The following CDH13 variants were observed in gnomAD, a reference collection of about 807,000 sequenced individuals.
CDH13 encodes cadherin-13.
In CDH13, 24 loss-of-function variants were observed where a neutral mutation model predicts 63.8. The observed-to-expected ratio is 0.38, with a 90% CI of 0.27 to 0.53. The LOEUF is 0.53. Among genes scored for constraint, CDH13 ranks in the 20% least tolerant of loss-of-function variants. The pLI is 0.85. For synonymous variants in CDH13, 503 were observed against 355.3 expected, an observed-to-expected ratio of 1.42 and a Z score of -4.67; for missense variants, 1,049 against 903.1, an observed-to-expected ratio of 1.16 and a Z score of -2.07.
chr16:82,833,011 A>G (rs748393984), intron 1 of CDH13, among the ~76,000 whole-genome samples: 7 of 152,152 alleles, frequency 4.6e-5, no homozygotes, highest in Non-Finnish European at 1.0e-4. Flanking sequence ...TGAGCTGCAA[A>G]AATATGCCAC....
At chr16:82,678,199 A>G (rs142268426) in intron 1 of CDH13, among the ~76,000 whole-genome samples, 17 of 152,230 alleles carry the variant, frequency 1.1e-4, no homozygotes, top group Non-Finnish European at 1.9e-4. Flanking sequence ...TGGGAGGATG[A>G]TTTATATTTT....
intron 2 of CDH13, among the ~76,000 whole-genome samples, chr16:83,026,502 A>C (rs1367826883): frequency 1.3e-5 from 2 of 152,186 alleles, no homozygotes; most frequent in Non-Finnish European, 2.9e-5. Flanking sequence ...GTGGGGGGAC[A>C]AAAATTGCAC....
At chr16:82,627,893 G>T (rs1050437288) in intron 1 of CDH13, among the ~76,000 whole-genome samples, 1 of 152,244 alleles carries the variant, frequency 6.6e-6, no homozygotes. Context: ...CGCCTCTGCT[G>T]CCTTCCCTGA....
intron 1 of CDH13, among the ~76,000 whole-genome samples, chr16:82,756,199 T>C (rs1178568455): frequency 6.6e-6 from 1 of 152,174 alleles, no homozygotes; most frequent in Non-Finnish European, 1.5e-5. Flanking sequence ...AACAGGTTCT[T>C]GGCTAAGCAA....
chr16:83,145,902 G>C (rs1038649730), intron 4 of CDH13, among the ~76,000 whole-genome samples: 1 of 152,124 alleles, frequency 6.6e-6, no homozygotes, highest in African/African-American at 2.4e-5. Context: ...ATGAAAAGAA[G>C]CCAGATTTGT....
At chr16:82,998,603 C>G (rs989044839) in intron 2 of CDH13, among the ~76,000 whole-genome samples, 10 of 152,270 alleles carry the variant, frequency 6.6e-5, no homozygotes, top group South Asian at 2.1e-4. Flanking sequence ...TCATGCCACT[C>G]TCAGCTTTCC....
At chr16:83,334,686 T>C (rs2090554854) in intron 5 of CDH13, among the ~76,000 whole-genome samples, 1 of 152,124 alleles carries the variant, frequency 6.6e-6, no homozygotes, top group African/African-American at 2.4e-5. Context: ...CAATCTCTGT[T>C]TTAAAGCCAG....
At chr16:83,304,518 T>A (rs1377734012) in intron 5 of CDH13, among the ~76,000 whole-genome samples, 1 of 152,170 alleles carries the variant, frequency 6.6e-6, no homozygotes, top group Non-Finnish European at 1.5e-5. Flanking sequence ...AAGAGCTGGC[T>A]ACTCAGATTT....
chr16:82,630,929 C>G (rs533477624), intron 1 of CDH13, among the ~76,000 whole-genome samples: 27 of 152,212 alleles, frequency 1.8e-4, no homozygotes, highest in Non-Finnish European at 3.4e-4. Context: ...TTACAAAATT[C>G]TGAATCTACA....
intron 6 of CDH13, among the ~76,000 whole-genome samples, chr16:83,377,749 T>C (rs906500146): frequency 3.9e-5 from 6 of 152,156 alleles, no homozygotes; most frequent in African/African-American, 1.4e-4. Context: ...AACCCATGTT[T>C]TGGGAGTCAA....
intron 1 of CDH13, among the ~76,000 whole-genome samples, chr16:82,631,540 T>G (rs1032817776): frequency 2.6e-5 from 4 of 152,234 alleles, no homozygotes; most frequent in African/African-American, 9.6e-5. Context: ...CAGGTACCCA[T>G]GCACCTGTGA....
chr16:82,931,229 C>G (rs529770840), intron 2 of CDH13, among the ~76,000 whole-genome samples: 1 of 152,198 alleles, frequency 6.6e-6, no homozygotes, highest in Non-Finnish European at 1.5e-5. Context: ...TCTGACTACC[C>G]TGCACAGAAT....
In CDH13 at chr16:82,837,609, C is replaced by T. The variant is rs75852504; in HGVS notation, c.46-20753C>T. On this transcript the variant is annotated intron_variant, in intron 1 of 13. Transcript: ENST00000567109. ...TTACAAGATTTCCACAATCCCCTCC[C>T]AATGCAGTCACACAGGATGTGCTTA... 5.0e-3 allele frequency among the ~76,000 whole-genome samples: 769 copies of T among 152,318 alleles called. 6 individuals are homozygous for T. Among genetic ancestry groups the T allele is most frequent in the Non-Finnish European group, 7.1e-3 (482 of 68,036 alleles).
At chr16:83,465,378 A>G (rs1254159341) in intron 6 of CDH13, among the ~76,000 whole-genome samples, 1 of 152,220 alleles carries the variant, frequency 6.6e-6, no homozygotes, top group Non-Finnish European at 1.5e-5. Flanking sequence ...GGAGGCTTTG[A>G]TAAACATGAT....
intron 6 of CDH13, among the ~76,000 whole-genome samples, chr16:83,358,294 C>G (rs1194502723): frequency 6.6e-6 from 1 of 152,154 alleles, no homozygotes; most frequent in Non-Finnish European, 1.5e-5. Flanking sequence ...ACCCTGTATT[C>G]TCCTCCTACC....
At chr16:83,026,281 G>A (rs1033862909) in intron 2 of CDH13, among the ~76,000 whole-genome samples, 1 of 152,198 alleles carries the variant, frequency 6.6e-6, no homozygotes, top group African/African-American at 2.4e-5. Flanking sequence ...AAGCAGATGT[G>A]CCCAGAGCTT....
At chr16:83,417,336 C>T (rs773411153) in intron 6 of CDH13, among the ~76,000 whole-genome samples, 2 of 152,204 alleles carry the variant, frequency 1.3e-5, no homozygotes, top group Non-Finnish European at 2.9e-5. Context: ...ACCATTACAG[C>T]CCCTTTCTTT....
chr16:83,396,147 G>C (rs998439870), intron 6 of CDH13, among the ~76,000 whole-genome samples: 1 of 152,182 alleles, frequency 6.6e-6, no homozygotes, highest in Non-Finnish European at 1.5e-5. Flanking sequence ...TGGCTGCATA[G>C]TATTCCGTGG....
chr16:83,752,952 C>T (rs545964530), intron 11 of CDH13, among the ~76,000 whole-genome samples: 3 of 152,310 alleles, frequency 2.0e-5, no homozygotes, highest in Admixed American at 2.0e-4. Flanking sequence ...TTGTCTAACT[C>T]TGTTAACGCT....
Sources: gnomAD v4.1 joint callset for allele counts (sites outside exome capture counted in the v4.1 genomes callset) on GRCh38, gnomAD v4.1.1 for gene constraint, MANE v1.5 for transcripts, NCBI Gene and HGNC (gene_info 2026-07-23, HGNC 2026-07-21) for gene names.